The following NRXN1 variants were observed in gnomAD, a reference collection of about 807,000 sequenced individuals.
NRXN1 encodes the protein neurexin 1.
A neutral mutation model predicts 150.9 loss-of-function variants in NRXN1; 39 were observed. The observed-to-expected ratio is 0.26, with a 90% CI of 0.20 to 0.34. The LOEUF (loss-of-function observed/expected upper bound fraction) is 0.34, where lower values mean the gene tolerates loss of function less well. Ranked by LOEUF, NRXN1 falls within the 10% of genes least tolerant of loss-of-function variation. NRXN1 has a pLI of 1.00. For missense variants in NRXN1, 1,815 were observed against 1,949.9 expected (o/e 0.93, Z 1.30); for synonymous variants, 924 against 757.0 (o/e 1.22, Z -3.62).
chr2:50,901,310 C>A (rs548778770), intron 5 of NRXN1, among the ~76,000 whole-genome samples: 1 of 151,838 alleles, frequency 6.6e-6, no homozygotes, highest in Non-Finnish European at 1.5e-5. Context: ...CTGAGGCGGG[C>A]GGATCACAAG....
chr2:50,237,383 T>C (rs2065560212), intron 17 of NRXN1, among the ~76,000 whole-genome samples: 1 of 152,056 alleles, frequency 6.6e-6, no homozygotes, highest in South Asian at 2.1e-4. Flanking sequence ...CATGCAGATG[T>C]GACAGGGTCA....
At chr2:50,374,435 G>A (rs2080338937) in intron 17 of NRXN1, among the ~76,000 whole-genome samples, 2 of 151,844 alleles carry the variant, frequency 1.3e-5, no homozygotes, top group African/African-American at 4.8e-5. Context: ...AAATAATAAA[G>A]CACCAAAATC....
intron 19 of NRXN1, 90 bp from the exon 20 acceptor site, chr2:50,055,134 C>G: frequency 1.2e-6 from 1 of 817,506 alleles, no homozygotes; most frequent in Non-Finnish European, 1.9e-6. Flanking sequence ...ATACAGTTGC[C>G]ACATGATTTT....
In NRXN1 at chr2:50,347,651, C is replaced by T. The variant is rs201887197; in HGVS notation, c.3365-110681G>A. ...AGGGGTTCAGAGGGAAGAGTGCGCC[C>T]TTCTGAAGGAAGTGGGAATCGAACG... On this transcript the variant is annotated intron_variant, in intron 17 of 22. Transcript: ENST00000401669. This position sits in a 1 kb window ranked among gnomAD's most constrained non-coding sequence, Gnocchi z 4.9. 4 of 988,038 alleles carry T rather than the reference C, an allele frequency of 4.0e-6. No homozygotes were observed. The highest frequency in any genetic ancestry group is 4.8e-6 in the Non-Finnish European group (4 of 831,580). 61.2% of individuals were successfully genotyped at this position (988,038 alleles called of 1,614,324 possible). A position where few individuals can be genotyped will look rare whatever the true frequency, so the allele number is the denominator to read the frequency against.
At chr2:50,462,225 G>A (rs1276021101) in intron 17 of NRXN1, among the ~76,000 whole-genome samples, 1 of 151,890 alleles carries the variant, frequency 6.6e-6, no homozygotes, top group African/African-American at 2.4e-5. Context: ...GTTATTCCTA[G>A]TAGAAGTATA....
intron 18 of NRXN1, among the ~76,000 whole-genome samples, chr2:50,125,449 G>A (rs906816929): frequency 3.3e-5 from 5 of 151,888 alleles, no homozygotes; most frequent in Non-Finnish European, 2.9e-5. Flanking sequence ...CCAAAAACAG[G>A]GCCCAACAGG....
At chr2:50,338,544 T>C (rs1045140375) in intron 17 of NRXN1, among the ~76,000 whole-genome samples, 2 of 152,180 alleles carry the variant, frequency 1.3e-5, no homozygotes, top group Non-Finnish European at 2.9e-5. Flanking sequence ...TATTTTATAA[T>C]TGAAAAGGAT....
At chr2:50,918,357 A>G (rs926087305) in intron 5 of NRXN1, 7 of 276,218 alleles carry the variant, frequency 2.5e-5, no homozygotes, top group African/African-American at 1.5e-4. Flanking sequence ...TGTTCTGGAA[A>G]TACAATGGTC....
chr2:50,398,953 G>T (rs961677231), intron 17 of NRXN1, among the ~76,000 whole-genome samples: 2 of 152,130 alleles, frequency 1.3e-5, no homozygotes, highest in Admixed American at 6.5e-5. Context: ...ATACATGAAA[G>T]AAACTTTCTT....
rs986252637 is a variant in NRXN1 at position 50,219,870 on chromosome 2, T to G, written c.3546+16919A>C. Among the ~76,000 whole-genome samples, 14 of 136,476 alleles carry G rather than the reference T, an allele frequency of 1.0e-4. No homozygotes were observed. The East Asian group carries it at 2.9e-3, about 29-fold the overall frequency. 89.5% of individuals were successfully genotyped at this position (136,476 alleles called of 152,430 possible). On this transcript the variant is annotated intron_variant, in intron 18 of 22. Transcript: ENST00000401669. ...ACACTACTGTACTCTAATGAGACCTTGTGACTATATATACATATATATACA... is the reference window on the plus strand; with the variant it reads ...ACACTACTGTACTCTAATGAGACCTGGTGACTATATATACATATATATACA...
chr2:50,975,560 T>C (rs1456224562), intron 2 of NRXN1, among the ~76,000 whole-genome samples: 2 of 152,128 alleles, frequency 1.3e-5, no homozygotes, highest in Non-Finnish European at 2.9e-5. Context: ...AAATATATAA[T>C]GTTCACCTCT....
At chr2:50,635,544 C>G (rs1683112251) in intron 5 of NRXN1, among the ~76,000 whole-genome samples, 1 of 152,132 alleles carries the variant, frequency 6.6e-6, no homozygotes, top group Non-Finnish European at 1.5e-5. Context: ...AGGCATAGGG[C>G]AGGCCAGCAA....
chr2:50,252,482 C>T (rs984781505), intron 17 of NRXN1, among the ~76,000 whole-genome samples: 18 of 152,028 alleles, frequency 1.2e-4, no homozygotes, highest in Non-Finnish European at 2.5e-4. Flanking sequence ...TGGTCTCAAA[C>T]TCCTGACCTC....
chr2:49,955,953 A>G (rs1378138699), intron 21 of NRXN1, among the ~76,000 whole-genome samples: 1 of 152,038 alleles, frequency 6.6e-6, no homozygotes, highest in Admixed American at 6.6e-5. Flanking sequence ...TAAAAATACA[A>G]TTTTCTGACT....
chr2:50,283,942 C>A (rs1180841441), intron 17 of NRXN1, among the ~76,000 whole-genome samples: 2 of 152,164 alleles, frequency 1.3e-5, no homozygotes, highest in South Asian at 4.1e-4. Context: ...TTCTCTCTCT[C>A]CTTCCCTCAT....
intron 17 of NRXN1, among the ~76,000 whole-genome samples, chr2:50,445,333 G>A (rs114618876): frequency 1.9e-3 from 296 of 152,298 alleles, no homozygotes; most frequent in African/African-American, 6.7e-3. Context: ...GAGGAAGTAC[G>A]TGAATCTCTC....
intron 17 of NRXN1, among the ~76,000 whole-genome samples, chr2:50,284,723 TTC>T (rs766629429): frequency 3.9e-5 from 6 of 152,218 alleles, no homozygotes; most frequent in Non-Finnish European, 8.8e-5. Context: ...TCTTGATATT[TTC>T]TGTTTCTTTT....
chr2:50,187,455 T>C (rs1310758600), intron 18 of NRXN1, among the ~76,000 whole-genome samples: 1 of 152,140 alleles, frequency 6.6e-6, no homozygotes, highest in East Asian at 1.9e-4. Context: ...TATTATGCTG[T>C]TGATCTCCAA....
intron 12 of NRXN1, among the ~76,000 whole-genome samples, chr2:50,521,803 C>G (rs1196603042): frequency 6.6e-6 from 1 of 152,136 alleles, no homozygotes; most frequent in Non-Finnish European, 1.5e-5. Context: ...CATGTGGCCT[C>G]TATTCTAATG....
Sources: allele counts gnomAD v4.1 joint callset (sites outside exome capture counted in the v4.1 genomes callset), GRCh38; gene constraint gnomAD v4.1.1; non-coding constraint Gnocchi (gnomAD v3.1); transcripts MANE v1.5; gene names NCBI Gene and HGNC (gene_info 2026-07-23, HGNC 2026-07-21).